SMURF2: variants seen among roughly 807,000 people sequenced by gnomAD.
SMURF2 encodes E3 ubiquitin-protein ligase SMURF2.
In SMURF2, 48 loss-of-function variants were observed where a neutral mutation model predicts 109.6. The ratio of observed to expected loss-of-function variants is 0.44; its 90% CI spans 0.35 to 0.56. The LOEUF (loss-of-function observed/expected upper bound fraction) is 0.56, where lower values mean the gene tolerates loss of function less well. Among genes scored for constraint, SMURF2 ranks in the 20% least tolerant of loss-of-function variants. SMURF2 has a pLI of 0.01. For missense variants in SMURF2, 575 were observed against 909.0 expected (o/e 0.63, Z 4.72); for synonymous variants, 288 against 317.1 (o/e 0.91, Z 0.97).
At chr17:64,584,100 C>CT (rs1333704557) in intron 6 of SMURF2, among the ~76,000 whole-genome samples, 2 of 151,894 alleles carry the variant, frequency 1.3e-5, no homozygotes, top group Non-Finnish European at 2.9e-5. Flanking sequence ...GGCAGATCAC[C>CT]TGAGGTTAGG....
At chr17:64,557,822 T>A in intron 12 of SMURF2, 100 bp from the exon 13 acceptor site, 1 of 632,760 alleles carries the variant, frequency 1.6e-6, no homozygotes, top group Non-Finnish European at 2.7e-6. Flanking sequence ...TTATTTAAAT[T>A]AATAAAAGGC....
intron 1 of SMURF2, among the ~76,000 whole-genome samples, chr17:64,621,924 T>TAA (rs1440378468): frequency 1.1e-4 from 16 of 141,784 alleles, no homozygotes; most frequent in South Asian, 2.2e-4. Flanking sequence ...ATAATAATAA[T>TAA]AAAAAGCACT....
Position 64,554,866 on chromosome 17 carries a change from CT to C in SMURF2, c.1737del (p.Glu580AsnfsTer7). On this transcript the variant is annotated frameshift_variant, in exon 15 of 19. Transcript: ENST00000262435. LOFTEE classifies it high-confidence loss of function. ...CACAGGAGTGTTTACCTGACATATT[CT>C]TTTTTATTTTCTTCATTAACAGGGA... ...KSIPVNEENK[K>X]EYVRLYVNWR... 2 of 1,613,348 alleles carry C rather than the reference CT, an allele frequency of 1.2e-6. No homozygotes were observed. The highest frequency in any genetic ancestry group is 1.7e-6 in the Non-Finnish European group (2 of 1,179,704).
chr17:64,644,429 A>G (rs1383714349), intron 1 of SMURF2, among the ~76,000 whole-genome samples: 5 of 137,152 alleles, frequency 3.6e-5, no homozygotes, highest in African/African-American at 1.6e-4. Flanking sequence ...TACTAAAAAT[A>G]GAAAAAAAAA....
intron 1 of SMURF2, among the ~76,000 whole-genome samples, chr17:64,628,195 A>G (rs1568201641): frequency 6.6e-6 from 1 of 152,136 alleles, no homozygotes; most frequent in African/African-American, 2.4e-5. Flanking sequence ...CATGGAGAGG[A>G]AATTTGGTCT....
At chr17:64,634,605 T>G (rs1555691914) in intron 1 of SMURF2, among the ~76,000 whole-genome samples, 3 of 152,226 alleles carry the variant, frequency 2.0e-5, no homozygotes, top group Non-Finnish European at 4.4e-5. Flanking sequence ...ATTAATCTAC[T>G]CCAACCACCT....
At chr17:64,652,850 T>A (rs782021489) in intron 1 of SMURF2, among the ~76,000 whole-genome samples, 42 of 152,056 alleles carry the variant, frequency 2.8e-4, no homozygotes, top group Non-Finnish European at 4.7e-4. Context: ...CAAATAGGGC[T>A]ACAAAAATAG....
intron 1 of SMURF2, among the ~76,000 whole-genome samples, chr17:64,609,923 A>AC (rs782617586): frequency 3.3e-5 from 5 of 151,400 alleles, no homozygotes; most frequent in African/African-American, 1.2e-4. Context: ...AAAAAAAAAA[A>AC]CCCCATCAAA....
chr17:64,603,598 A>C lies in SMURF2; in HGVS notation c.91+3004T>G, dbSNP rs962494002. ...TCCGTCGGGGGAAAAAAAAAAAAAA[A>C]AACATAATGAATAAATGGGTAAATA... is the stretch of plus-strand genomic sequence containing the variant. On this transcript the variant is annotated intron_variant, in intron 2 of 18. Transcript: ENST00000262435. Among the ~76,000 whole-genome samples, 4 of 151,512 alleles carry C rather than the reference A, an allele frequency of 2.6e-5. No homozygotes were observed. In the East Asian group the frequency reaches 5.8e-4, roughly 22 times the overall value.
chr17:64,565,966 A>C (rs1969294638), intron 10 of SMURF2, among the ~76,000 whole-genome samples: 1 of 152,196 alleles, frequency 6.6e-6, no homozygotes, highest in African/African-American at 2.4e-5. Context: ...TATAATTTAT[A>C]TTCTAATGAC....
intron 1 of SMURF2, among the ~76,000 whole-genome samples, chr17:64,661,077 C>A (rs1970768655): frequency 6.6e-6 from 1 of 151,882 alleles, no homozygotes. Flanking sequence ...AGCAATGCAC[C>A]CCCCCCAAAA....
At chr17:64,571,523 A>G (rs916718946) in intron 10 of SMURF2, among the ~76,000 whole-genome samples, 36 of 152,118 alleles carry the variant, frequency 2.4e-4, no homozygotes, top group African/African-American at 8.7e-4. Flanking sequence ...CTCCTGCCTC[A>G]GTTTCCCAAG....
chr17:64,614,496 T>G (rs782300928), intron 1 of SMURF2, among the ~76,000 whole-genome samples: 6 of 152,222 alleles, frequency 3.9e-5, no homozygotes, highest in Non-Finnish European at 5.9e-5. Flanking sequence ...CTTCATCATG[T>G]TACTACCCTT....
At chr17:64,585,220 A>G (rs1969636259) in intron 6 of SMURF2, among the ~76,000 whole-genome samples, 1 of 152,230 alleles carries the variant, frequency 6.6e-6, no homozygotes, top group South Asian at 2.1e-4. Context: ...CTAGTATCAA[A>G]GAGACCAGTC....
At chr17:64,567,923 G>A (rs1006516388) in intron 10 of SMURF2, among the ~76,000 whole-genome samples, 9 of 147,164 alleles carry the variant, frequency 6.1e-5, no homozygotes, top group African/African-American at 2.0e-4. Flanking sequence ...GCGCTGTCTC[G>A]GCTCACTGCA....
At chr17:64,575,437 GCCA>G (rs1555685983) in intron 9 of SMURF2, among the ~76,000 whole-genome samples, 1 of 151,892 alleles carries the variant, frequency 6.6e-6, no homozygotes. Context: ...ACAGGTGTGA[GCCA>G]CCGAGCCCGG....
chr17:64,602,375 G>A (rs1460439960), intron 2 of SMURF2, among the ~76,000 whole-genome samples: 1 of 152,018 alleles, frequency 6.6e-6, no homozygotes, highest in Non-Finnish European at 1.5e-5. Context: ...TACAAAATGT[G>A]GCTTCCAGAT....
At chr17:64,624,590 G>A (rs1555691010) in intron 1 of SMURF2, among the ~76,000 whole-genome samples, 3 of 143,798 alleles carry the variant, frequency 2.1e-5, no homozygotes, top group African/African-American at 8.9e-5. Flanking sequence ...AAGAGGCTGA[G>A]GCTGGAGGAC....
intron 2 of SMURF2, among the ~76,000 whole-genome samples, chr17:64,600,627 A>G (rs1555688471): frequency 2.0e-5 from 3 of 152,216 alleles, no homozygotes; most frequent in South Asian, 2.1e-4. Flanking sequence ...AAACTTGGTA[A>G]GTTAGGGTAT....
Sources: gnomAD v4.1 joint callset for allele counts (sites outside exome capture counted in the v4.1 genomes callset) on GRCh38, gnomAD v4.1.1 for gene constraint, MANE v1.5 for transcripts, NCBI Gene and HGNC (gene_info 2026-07-23, HGNC 2026-07-21) for gene names.